The following UNC5C variants were observed in gnomAD, a reference collection of about 807,000 sequenced individuals.
The protein encoded by UNC5C is unc-5 netrin receptor C, also known as netrin receptor UNC5C.
UNC5C carries 47 observed loss-of-function variants against 99.8 expected under a neutral mutation model. That is an observed-to-expected ratio of 0.47 (90% CI 0.37 to 0.60). The LOEUF is 0.60. UNC5C is among the 20% of genes least tolerant of loss of function. The pLI is 0.00. For synonymous variants in UNC5C, 487 were observed against 452.2 expected, an observed-to-expected ratio of 1.08 and a Z score of -0.98; for missense variants, 1,062 against 1,165.9, an observed-to-expected ratio of 0.91 and a Z score of 1.30.
chr4:95,541,355 G>A (rs1020678289), intron 1 of UNC5C, among the ~76,000 whole-genome samples: 6 of 152,014 alleles, frequency 3.9e-5, no homozygotes, highest in Non-Finnish European at 4.4e-5. Flanking sequence ...TAGTTATCTC[G>A]GTTATCAGAT....
In UNC5C at chr4:95,300,370, A is replaced by C. The variant is rs184204475; in HGVS notation, c.490+1236T>G. On this transcript the variant is annotated intron_variant, in intron 3 of 15. Coordinates refer to ENST00000453304, the MANE Select transcript of UNC5C (RefSeq NM_003728.4). ...AACTTTGTCAAAAAATATATTTCTT[A>C]CATTTATTTGATTATGGAAGCCTTT... is the stretch of plus-strand genomic sequence containing the variant. Among the ~76,000 whole-genome samples, 28 of 152,346 alleles carry C rather than the reference A, an allele frequency of 1.8e-4. No individual in the cohort carries two copies. The East Asian group carries it at 5.4e-3, about 29-fold the overall frequency.
intron 2 of UNC5C, among the ~76,000 whole-genome samples, chr4:95,323,349 A>G (rs1435872073): frequency 6.6e-6 from 1 of 152,186 alleles, no homozygotes; most frequent in Non-Finnish European, 1.5e-5. Flanking sequence ...GAGAGATGTG[A>G]TAATTGTCTT....
At chr4:95,389,199 A>G (rs188670671) in intron 1 of UNC5C, among the ~76,000 whole-genome samples, 1 of 152,322 alleles carries the variant, frequency 6.6e-6, no homozygotes, top group East Asian at 1.9e-4. Context: ...CCCACAAAAC[A>G]TGCAAAGCTG....
intron 12 of UNC5C, among the ~76,000 whole-genome samples, chr4:95,188,350 C>T (rs1453576873): frequency 3.9e-5 from 6 of 152,120 alleles, no homozygotes; most frequent in Admixed American, 1.3e-4. Context: ...AAGGAGAGGA[C>T]AAAAACCATG....
In UNC5C at chr4:95,518,408, C is replaced by G. The variant is rs146949519; in HGVS notation, c.124+30326G>C. ...CATATACAATGAGAAGATGTAAACT[C>G]TGTAAAACTATAATATAAATGGAAA... On this transcript the variant is annotated intron_variant, in intron 1 of 15. Coordinates refer to ENST00000453304, the MANE Select transcript of UNC5C (RefSeq NM_003728.4). Among the ~76,000 whole-genome samples the G allele has an allele frequency of 8.2e-3, 1,243 of 152,258 alleles. 11 individuals carry two copies. Among genetic ancestry groups the G allele is most frequent in the African/African-American group, 0.028 (1,179 of 41,540 alleles).
rs1481439485 is a variant in UNC5C at position 95,168,238 on chromosome 4, T to G, written c.*996A>C. On this transcript the variant is annotated 3_prime_UTR_variant, in exon 16 of 16. Coordinates refer to ENST00000453304, the MANE Select transcript of UNC5C (RefSeq NM_003728.4). ...AGCCATTCAGCATTTATCAATCACC[T>G]TTCTGGGGTGGAATAAGGGAAAGGT... 1 of 152,176 alleles carries G rather than the reference T, an allele frequency of 6.6e-6. No homozygotes were observed. The highest frequency in any genetic ancestry group is 1.5e-5 in the Non-Finnish European group (1 of 68,052). The allele number at this position is 152,176 out of a possible 1,614,324, so 9.4% of individuals were successfully genotyped here.
chr4:95,267,271 A>G (rs894087706), intron 4 of UNC5C, among the ~76,000 whole-genome samples: 4 of 152,182 alleles, frequency 2.6e-5, no homozygotes, highest in African/African-American at 7.2e-5. Flanking sequence ...GGTGATTCAT[A>G]TATTTGGGGG....
At chr4:95,535,619 T>C (rs1196149711) in intron 1 of UNC5C, among the ~76,000 whole-genome samples, 1 of 152,204 alleles carries the variant, frequency 6.6e-6, no homozygotes, top group African/African-American at 2.4e-5. Flanking sequence ...TTAACTTGTA[T>C]GCAATTTGCA....
chr4:95,268,035 C>T (rs1478187268), intron 4 of UNC5C, among the ~76,000 whole-genome samples: 1 of 149,570 alleles, frequency 6.7e-6, no homozygotes, highest in East Asian at 2.0e-4. Flanking sequence ...CTGCAAGCTC[C>T]GCCTCCCAGG....
At chr4:95,280,962 G>C (rs1741035902) in intron 3 of UNC5C, among the ~76,000 whole-genome samples, 1 of 152,078 alleles carries the variant, frequency 6.6e-6, no homozygotes, top group African/African-American at 2.4e-5. Context: ...TGATGTGGTG[G>C]CTTCTCTTGT....
chr4:95,342,031 C>G (rs1415193124), intron 1 of UNC5C, among the ~76,000 whole-genome samples: 1 of 152,148 alleles, frequency 6.6e-6, no homozygotes, highest in African/African-American at 2.4e-5. Context: ...AGCCTTGCCA[C>G]CATGGGCTAA....
chr4:95,239,673 C>T (rs1486084851), intron 7 of UNC5C, among the ~76,000 whole-genome samples: 1 of 152,126 alleles, frequency 6.6e-6, no homozygotes, highest in African/African-American at 2.4e-5. Context: ...CTCTCTCTCT[C>T]TTTCTGCATG....
At chr4:95,532,401 A>C (rs1354828598) in intron 1 of UNC5C, among the ~76,000 whole-genome samples, 3 of 151,760 alleles carry the variant, frequency 2.0e-5, no homozygotes, top group Non-Finnish European at 4.4e-5. Context: ...AGTCCTTCCA[A>C]GATGCGTTAT....
intron 1 of UNC5C, among the ~76,000 whole-genome samples, chr4:95,349,036 T>C (rs969058939): frequency 6.6e-6 from 1 of 151,378 alleles, no homozygotes; most frequent in African/African-American, 2.4e-5. Flanking sequence ...TTAGATAAAA[T>C]GTATAAGATC....
intron 7 of UNC5C, among the ~76,000 whole-genome samples, chr4:95,234,726 A>G (rs754184981): frequency 3.9e-5 from 6 of 152,182 alleles, no homozygotes; most frequent in Non-Finnish European, 8.8e-5. Flanking sequence ...GGCATTGATT[A>G]TCTCCAGCGT....
At position 95,170,137 on chromosome 4, in the gene UNC5C, G is replaced by A. The variant is rs753583055; in HGVS notation, c.2630+17C>T. On this transcript the variant is annotated intron_variant, in intron 15 of 15. Transcript: ENST00000453304. ...ACTAACAGAAAGAAGCTAGTCTTGG[G>A]GCCAGACCATACCCACCTGTCCAGG... 1 of 1,610,958 alleles carries A rather than the reference G, an allele frequency of 6.2e-7. No individual in the cohort carries two copies. Among genetic ancestry groups the A allele is most frequent in the Non-Finnish European group, 8.5e-7 (1 of 1,177,572 alleles).
intron 13 of UNC5C, among the ~76,000 whole-genome samples, chr4:95,183,534 A>G (rs967408360): frequency 2.0e-5 from 3 of 152,188 alleles, no homozygotes; most frequent in Non-Finnish European, 4.4e-5. Flanking sequence ...CATGCTTTAC[A>G]TCCTCCTCTG....
intron 7 of UNC5C, among the ~76,000 whole-genome samples, chr4:95,241,590 A>G (rs1226025603): frequency 6.6e-6 from 1 of 152,226 alleles, no homozygotes; most frequent in Non-Finnish European, 1.5e-5. Context: ...CCATTAGTTC[A>G]GATCCAAAGA....
At chr4:95,387,354 G>T (rs902977198) in intron 1 of UNC5C, among the ~76,000 whole-genome samples, 1 of 152,090 alleles carries the variant, frequency 6.6e-6, no homozygotes, top group African/African-American at 2.4e-5. Context: ...TGCCCAGGCT[G>T]GTCTCGATGA....
Sources: gnomAD v4.1 joint callset for allele counts (sites outside exome capture counted in the v4.1 genomes callset) on GRCh38, gnomAD v4.1.1 for gene constraint, MANE v1.5 for transcripts, NCBI Gene and HGNC (gene_info 2026-07-23, HGNC 2026-07-21) for gene names.